ZHX1: variants seen among roughly 807,000 people sequenced by gnomAD.
ZHX1 encodes zinc fingers and homeoboxes 1, also known as zinc fingers and homeoboxes protein 1.
ZHX1 carries 20 observed loss-of-function variants against 61.8 expected under a neutral mutation model. The ratio of observed to expected loss-of-function variants is 0.32; its 90% CI spans 0.23 to 0.47. ZHX1 has a LOEUF of 0.47. Ranked by LOEUF, ZHX1 falls within the 20% of genes least tolerant of loss-of-function variation. The pLI is 1.00. For missense variants in ZHX1, 800 were observed against 1,034.8 expected (o/e 0.77, Z 3.11); for synonymous variants, 318 against 352.6 (o/e 0.90, Z 1.10).
At chr8:123,257,431 T>C (rs1210881423) in intron 2 of ZHX1, among the ~76,000 whole-genome samples, 1 of 152,036 alleles carries the variant, frequency 6.6e-6, no homozygotes, top group Non-Finnish European at 1.5e-5. Context: ...ATGGCTGCCA[T>C]TCCACAGACA....
chr8:123,264,313 T>G (rs1826380898), intron 2 of ZHX1, among the ~76,000 whole-genome samples: 1 of 152,112 alleles, frequency 6.6e-6, no homozygotes, highest in Admixed American at 6.5e-5. Context: ...TAAAAAAGAT[T>G]AAAAATAAGT....
intron 2 of ZHX1, among the ~76,000 whole-genome samples, chr8:123,258,737 T>C (rs1000074255): frequency 6.6e-6 from 1 of 152,156 alleles, no homozygotes; most frequent in African/African-American, 2.4e-5. Context: ...ATAATAACTT[T>C]AAATAATCAA....
In ZHX1 at chr8:123,254,112, AT is replaced by A; in HGVS notation, c.1834del (p.Ile612SerfsTer14). On this transcript the variant is annotated frameshift_variant, in exon 3 of 4. Transcript: ENST00000395571. LOFTEE classifies it high-confidence loss of function. This position sits in a 1 kb window ranked among gnomAD's most constrained non-coding sequence, Gnocchi z 4.1. ...RAQTKLTRRE[I>X]DAWFTEKKKS... Reference sequence around the variant, plus strand: ...CTTCTTCTCTGTAAACCAAGCATCGATTTCTCTTCTGGTAAGTTTGGTTTGT... The same window carrying A: ...CTTCTTCTCTGTAAACCAAGCATCGATTCTCTTCTGGTAAGTTTGGTTTGT... 6.2e-7 allele frequency: 1 copy of A among 1,613,936 alleles called. No homozygotes were observed. Among genetic ancestry groups the A allele is most frequent in the East Asian group, 2.2e-5 (1 of 44,878 alleles).
intron 2 of ZHX1, among the ~76,000 whole-genome samples, chr8:123,259,544 C>T (rs1056374682): frequency 2.6e-5 from 4 of 151,760 alleles, no homozygotes; most frequent in African/African-American, 4.8e-5. Flanking sequence ...CCTGAGTCTA[C>T]GAGTTCAAGA....
chr8:123,260,444 TAA>T (rs1211720428), intron 2 of ZHX1, among the ~76,000 whole-genome samples: 6 of 145,342 alleles, frequency 4.1e-5, no homozygotes, highest in Middle Eastern at 3.9e-3. Context: ...ACTAAAAATA[TAA>T]AAGTTAGCCG....
In ZHX1 at chr8:123,248,557, G is replaced by A. The variant is rs1236593517; in HGVS notation, c.*1767C>T. 2.0e-5 allele frequency: 3 copies of A among 152,160 alleles called. No individual in the cohort carries two copies. Among genetic ancestry groups the A allele is most frequent in the South Asian group, 2.1e-4 (1 of 4,830 alleles). The allele number at this position is 152,160 out of a possible 1,614,324, so 9.4% of individuals were successfully genotyped here. A position where few individuals can be genotyped will look rare whatever the true frequency, so the allele number is the denominator to read the frequency against. ...TAAATATATTTAAAAGCTAGCAAAC[G>A]TCAGAGAAGAGTTTTATCAGGCCTA... On this transcript the variant is annotated 3_prime_UTR_variant, in exon 4 of 4. Transcript: ENST00000395571.
chr8:123,260,953 T>C (rs906454261), intron 2 of ZHX1, among the ~76,000 whole-genome samples: 1 of 151,946 alleles, frequency 6.6e-6, no homozygotes, highest in Non-Finnish European at 1.5e-5. Flanking sequence ...ATCCGGGAGG[T>C]GGAGGATGCA....
rs2131180113 is a variant in ZHX1 at position 123,249,261 on chromosome 8, T to C, written c.*1063A>G. 1 of 152,346 alleles carries C rather than the reference T, an allele frequency of 6.6e-6. No individual in the cohort carries two copies. The highest frequency in any genetic ancestry group is 2.1e-4 in the South Asian group (1 of 4,824). 9.4% of individuals were successfully genotyped at this position (152,346 alleles called of 1,614,324 possible). On this transcript the variant is annotated 3_prime_UTR_variant, in exon 4 of 4. Coordinates refer to ENST00000395571, the MANE Select transcript of ZHX1 (RefSeq NM_007222.5). Reference sequence around the variant, plus strand: ...TGAACAGCACCAGTCTTTACAAAGTTTGTAAATTAGTATGAACTTTCAGTC... The same window carrying C: ...TGAACAGCACCAGTCTTTACAAAGTCTGTAAATTAGTATGAACTTTCAGTC...
Position 123,267,341 on chromosome 8 carries a change from T to A in ZHX1, c.-294A>T. The A allele has an allele frequency of 1.3e-6, 2 of 1,490,490 alleles. No individual in the cohort carries two copies. The highest frequency in any genetic ancestry group is 1.3e-5 in the South Asian group (1 of 79,362). 92.3% of individuals were successfully genotyped at this position (1,490,490 alleles called of 1,614,324 possible). A position where few individuals can be genotyped will look rare whatever the true frequency, so the allele number is the denominator to read the frequency against. On this transcript the variant is annotated 5_prime_UTR_variant, in exon 2 of 4. It removes the in-frame stop codon of an upstream open reading frame in the 5' UTR. Transcript: ENST00000395571. ...TATCCCTTCTAGTTAGATGTTTAGC[T>A]CAGGCCATCATTACCAACAGGTCCA...
At chr8:123,267,915 C>T (rs200773483) in intron 1 of ZHX1, among the ~76,000 whole-genome samples, 5 of 152,148 alleles carry the variant, frequency 3.3e-5, no homozygotes, top group East Asian at 1.9e-4. Context: ...GCAGGAGAAT[C>T]GCTTGAACCG....
chr8:123,271,132 T>C (rs916304883), intron 1 of ZHX1, among the ~76,000 whole-genome samples: 2 of 152,162 alleles, frequency 1.3e-5, no homozygotes, highest in Admixed American at 6.5e-5. Context: ...ACTACAAATA[T>C]ATCAGAGCAA....
At position 123,260,639 on chromosome 8, in the gene ZHX1, TAGAG is replaced by T. The variant is rs200280843; in HGVS notation, c.-225-4472_-225-4469del. On this transcript the variant is annotated intron_variant, in intron 2 of 3. Coordinates refer to ENST00000395571, the MANE Select transcript of ZHX1 (RefSeq NM_007222.5). ...ACAAAAAAAACCCCACATATATATA[TAGAG>T]AGAGATCTCAAGACAATATATCAGT... Among the ~76,000 whole-genome samples the T allele has an allele frequency of 8.8e-4, 134 of 151,534 alleles. No individual in the cohort carries two copies. The East Asian group carries it at 0.025, about 28-fold the overall frequency.
upstream of ZHX1, chr8:123,274,388 G>A (rs1826773200): frequency 6.6e-6 from 1 of 152,316 alleles, no homozygotes; most frequent in Non-Finnish European, 1.5e-5. Flanking sequence ...TGGGGACTCA[G>A]GGTGGGGGTG....
At chr8:123,268,663 T>C (rs985849344) in intron 1 of ZHX1, among the ~76,000 whole-genome samples, 1 of 152,158 alleles carries the variant, frequency 6.6e-6, no homozygotes. Flanking sequence ...AACTAATTTT[T>C]GTATTTTTAG....
chr8:123,272,818 G>A (rs968630984), intron 1 of ZHX1, among the ~76,000 whole-genome samples: 3 of 152,068 alleles, frequency 2.0e-5, no homozygotes, highest in African/African-American at 7.2e-5. Context: ...CCCTAACCGT[G>A]AACCGCTGTA....
intron 2 of ZHX1, among the ~76,000 whole-genome samples, chr8:123,264,165 C>A (rs1018607209): frequency 6.6e-6 from 1 of 151,926 alleles, no homozygotes; most frequent in Non-Finnish European, 1.5e-5. Context: ...ATAAAACATT[C>A]AAAGAATGAT....
At chr8:123,250,441 CAT>C (rs750248148) in intron 3 of ZHX1, 121 bp from the exon 4 acceptor site, 15 of 336,294 alleles carry the variant, frequency 4.5e-5, no homozygotes, top group South Asian at 9.4e-5. Flanking sequence ...TTACCTGCCA[CAT>C]ATGTCTTCCA....
chr8:123,260,030 C>T (rs1387232020), intron 2 of ZHX1, among the ~76,000 whole-genome samples: 14 of 152,148 alleles, frequency 9.2e-5, no homozygotes, highest in Admixed American at 2.6e-4. Flanking sequence ...TGGTGGCGAG[C>T]GCCTGTAATC....
Position 123,253,665 on chromosome 8 carries a change from C to G in ZHX1, c.2282G>C (p.Arg761Thr), listed in dbSNP as rs777663399. 2.4e-5 allele frequency: 38 copies of G among 1,614,084 alleles called. No individual in the cohort carries two copies. Among genetic ancestry groups the G allele is most frequent in the Non-Finnish European group, 3.1e-5 (37 of 1,180,032 alleles). Residue 761 changes from arginine to threonine, a missense_variant, in exon 3 of 4, where the codon AGA (arginine) becomes ACA (threonine). Arg to Thr is a moderately conservative substitution (Grantham distance 71). Coordinates refer to ENST00000395571, the MANE Select transcript of ZHX1 (RefSeq NM_007222.5). ...RGRGRPRGRP[R>T]GSKRINNWDR... Reference sequence around the variant, plus strand: ...CCAGTTGTTAATTCTTTTGCTTCCTCTAGGCCGCCCACGCGGTCTTCCTCT... The same window carrying G: ...CCAGTTGTTAATTCTTTTGCTTCCTGTAGGCCGCCCACGCGGTCTTCCTCT...
Sources: gnomAD v4.1 joint callset for allele counts (sites outside exome capture counted in the v4.1 genomes callset) on GRCh38, gnomAD v4.1.1 for gene constraint, Gnocchi (gnomAD v3.1) non-coding constraint, MANE v1.5 for transcripts, NCBI Gene and HGNC (gene_info 2026-07-23, HGNC 2026-07-21) for gene names.